TBC1D14: variants seen among roughly 807,000 people sequenced by gnomAD.
TBC1D14 encodes the protein TBC1 domain family member 14.
TBC1D14 carries 26 observed loss-of-function variants against 79.0 expected under a neutral mutation model. The observed-to-expected ratio is 0.33, with a 90% CI of 0.24 to 0.46. TBC1D14 has a LOEUF of 0.46. TBC1D14 is among the 20% of genes least tolerant of loss of function. TBC1D14 has a pLI of 1.00. For missense variants in TBC1D14, 769 were observed against 887.6 expected (o/e 0.87, Z 1.70); for synonymous variants, 394 against 349.9 (o/e 1.13, Z -1.40).
At chr4:6,980,336 AT>A (rs1717249973) in intron 3 of TBC1D14, among the ~76,000 whole-genome samples, 1 of 152,330 alleles carries the variant, frequency 6.6e-6, no homozygotes, top group Admixed American at 6.5e-5. Flanking sequence ...ATTAGAAAAT[AT>A]TTTGAAGCGA....
chr4:6,917,061 C>G (rs550412445), intron 1 of TBC1D14, among the ~76,000 whole-genome samples: 1 of 152,224 alleles, frequency 6.6e-6, no homozygotes, highest in Non-Finnish European at 1.5e-5. Context: ...AGGCTGGTCA[C>G]TGCTCAGCTG....
At chr4:7,022,591 C>G (rs576138014) in intron 12 of TBC1D14, among the ~76,000 whole-genome samples, 1 of 152,130 alleles carries the variant, frequency 6.6e-6, no homozygotes, top group African/African-American at 2.4e-5. Context: ...GCCCAGAGGC[C>G]GCAGTGAGTA....
chr4:6,922,863 G>A lies in TBC1D14; in HGVS notation c.-17-510G>A, dbSNP rs553971762. The stretch of plus-strand genomic sequence containing the variant: ...TTACTTCGGGTGCATCCTTTGTTTG[G>A]GTTATCTTCCTGCTATGTTATATCA... On this transcript the variant is annotated intron_variant, in intron 1 of 13. Coordinates refer to ENST00000409757, the MANE Select transcript of TBC1D14 (RefSeq NM_020773.3). 1.7e-3 allele frequency among the ~76,000 whole-genome samples: 266 copies of A among 152,140 alleles called. 1 individual carries two copies. Among genetic ancestry groups the A allele is most frequent in the African/African-American group, 6.2e-3 (256 of 41,506 alleles).
chr4:7,007,304 C>G (rs920433814), intron 9 of TBC1D14, among the ~76,000 whole-genome samples: 1 of 152,176 alleles, frequency 6.6e-6, no homozygotes, highest in African/African-American at 2.4e-5. Context: ...AGAGGGGAGC[C>G]TCCTCCTGGG....
At chr4:6,984,583 G>C (rs1421987835) in intron 3 of TBC1D14, among the ~76,000 whole-genome samples, 1 of 152,116 alleles carries the variant, frequency 6.6e-6, no homozygotes, top group African/African-American at 2.4e-5. Context: ...ATACTCAAAT[G>C]ATAGATGCAA....
intron 2 of TBC1D14, among the ~76,000 whole-genome samples, chr4:6,933,099 G>A (rs2108951321): frequency 6.6e-6 from 1 of 152,092 alleles, no homozygotes; most frequent in African/African-American, 2.4e-5. Flanking sequence ...ATTCTTTGCT[G>A]TGTGGCCCCT....
chr4:6,949,498 C>T (rs780448740), intron 2 of TBC1D14, among the ~76,000 whole-genome samples: 37 of 152,158 alleles, frequency 2.4e-4, no homozygotes, highest in Non-Finnish European at 4.0e-4. Context: ...GCCTGACCAA[C>T]ATGGCAAAAC....
Position 7,030,477 on chromosome 4 carries a change from C to A in TBC1D14, c.*85C>A. 7.1e-7 allele frequency: 1 copy of A among 1,399,926 alleles called. No individual in the cohort carries two copies. The highest frequency in any genetic ancestry group is 1.2e-5 in the South Asian group (1 of 85,636). 86.7% of individuals were successfully genotyped at this position (1,399,926 alleles called of 1,614,324 possible). A position where few individuals can be genotyped will look rare whatever the true frequency, so the allele number is the denominator to read the frequency against. On this transcript the variant is annotated 3_prime_UTR_variant, in exon 14 of 14. Coordinates refer to ENST00000409757, the MANE Select transcript of TBC1D14 (RefSeq NM_020773.3). ...TGTTTCAGACTGACACCCGGGCAGC[C>A]GAGAAGAACAGACGCTCTTTAAGTT... is the stretch of plus-strand genomic sequence containing the variant.
chr4:6,947,500 A>G (rs1560270989), intron 2 of TBC1D14, among the ~76,000 whole-genome samples: 2 of 148,318 alleles, frequency 1.3e-5, no homozygotes. Context: ...CCTGTCTCAA[A>G]AAAAAAAAAA....
intron 12 of TBC1D14, among the ~76,000 whole-genome samples, chr4:7,016,967 C>G (rs1403685457): frequency 6.6e-6 from 1 of 152,172 alleles, no homozygotes; most frequent in Non-Finnish European, 1.5e-5. Flanking sequence ...GGAACAACCT[C>G]TCCAAGCCCA....
At chr4:6,933,880 T>C (rs1426747699) in intron 2 of TBC1D14, among the ~76,000 whole-genome samples, 1 of 151,528 alleles carries the variant, frequency 6.6e-6, no homozygotes, top group Non-Finnish European at 1.5e-5. Flanking sequence ...AGACAAGAGG[T>C]GATGATGGCT....
intron 2 of TBC1D14, among the ~76,000 whole-genome samples, chr4:6,930,472 T>C (rs141735278): frequency 1.1e-3 from 167 of 152,274 alleles, no homozygotes; most frequent in African/African-American, 3.8e-3. Context: ...AGCAAGGAAC[T>C]CGTAGGATGG....
intron 12 of TBC1D14, among the ~76,000 whole-genome samples, chr4:7,024,293 C>T (rs990722433): frequency 6.6e-6 from 1 of 152,200 alleles, no homozygotes; most frequent in South Asian, 2.1e-4. Flanking sequence ...GGGCCCAGCA[C>T]TTTCTCTGTG....
intron 3 of TBC1D14, among the ~76,000 whole-genome samples, chr4:6,981,216 G>A (rs1717350042): frequency 6.6e-6 from 1 of 151,966 alleles, no homozygotes; most frequent in African/African-American, 2.4e-5. Flanking sequence ...GTAGAGACAG[G>A]GTTTTGCCAT....
Position 6,960,989 on chromosome 4 carries a change from G to A in TBC1D14, c.723-6315G>A, listed in dbSNP as rs1339499244. 3.3e-5 allele frequency among the ~76,000 whole-genome samples: 5 copies of A among 152,136 alleles called. No homozygotes were observed. The East Asian group carries it at 7.7e-4, about 23-fold the overall frequency. ...GTTAAATGTGTGAGCCGTGGACCTC[G>A]CTCCTAATTATTAGGACACCGTGTC... On this transcript the variant is annotated intron_variant, in intron 2 of 13. Transcript: ENST00000409757.
chr4:7,007,206 T>G (rs1304904850), intron 9 of TBC1D14, among the ~76,000 whole-genome samples: 1 of 152,168 alleles, frequency 6.6e-6, no homozygotes, highest in African/African-American at 2.4e-5. Flanking sequence ...GACAGGTTTC[T>G]GAGCAGGTAG....
chr4:7,021,787 A>C (rs562889900), intron 12 of TBC1D14, among the ~76,000 whole-genome samples: 2 of 152,206 alleles, frequency 1.3e-5, no homozygotes, highest in African/African-American at 4.8e-5. Context: ...GGAGAGAAAA[A>C]CCCTTGAATT....
chr4:7,013,606 C>A (rs1720989201), intron 11 of TBC1D14, among the ~76,000 whole-genome samples: 1 of 152,232 alleles, frequency 6.6e-6, no homozygotes, highest in Non-Finnish European at 1.5e-5. Context: ...CCTCCTTTCC[C>A]TGTAGTGTTT....
chr4:7,008,386 T>C (rs556018972), intron 9 of TBC1D14, among the ~76,000 whole-genome samples: 2 of 152,212 alleles, frequency 1.3e-5, no homozygotes, highest in Non-Finnish European at 2.9e-5. Flanking sequence ...AGTGGAGAAC[T>C]GTGTCCAAAA....
Sources: allele counts gnomAD v4.1 joint callset (sites outside exome capture counted in the v4.1 genomes callset), GRCh38; gene constraint gnomAD v4.1.1; transcripts MANE v1.5; gene names NCBI Gene and HGNC (gene_info 2026-07-23, HGNC 2026-07-21).